CDYL2: variants seen among roughly 807,000 people sequenced by gnomAD.
The protein encoded by CDYL2 is chromodomain Y-like protein 2.
In CDYL2, 23 loss-of-function variants were observed where a neutral mutation model predicts 49.4. The observed-to-expected ratio is 0.47, with a 90% CI of 0.34 to 0.66. CDYL2 has a LOEUF of 0.66. Among genes scored for constraint, CDYL2 ranks in the 30% least tolerant of loss-of-function variants. The pLI is 0.01. For missense variants in CDYL2, 678 were observed against 656.4 expected (o/e 1.03, Z -0.36); for synonymous variants, 360 against 268.8 (o/e 1.34, Z -3.32).
At chr16:80,773,931 A>C (rs989163142) in intron 1 of CDYL2, among the ~76,000 whole-genome samples, 2 of 152,156 alleles carry the variant, frequency 1.3e-5, no homozygotes, top group Non-Finnish European at 2.9e-5. Context: ...GCCTCAGTTT[A>C]GTTCTACAAA....
At chr16:80,684,147 C>G (rs1489013169) in intron 2 of CDYL2, among the ~76,000 whole-genome samples, 2 of 152,314 alleles carry the variant, frequency 1.3e-5, no homozygotes, top group East Asian at 3.9e-4. Flanking sequence ...CAAGCAAGGG[C>G]TCTGCACTGT....
At chr16:80,647,296 C>T (rs939433930) in intron 2 of CDYL2, among the ~76,000 whole-genome samples, 1 of 152,082 alleles carries the variant, frequency 6.6e-6, no homozygotes, top group Non-Finnish European at 1.5e-5. Flanking sequence ...AAGTAATCTA[C>T]AGATTCAATG....
intron 2 of CDYL2, among the ~76,000 whole-genome samples, chr16:80,654,535 C>G (rs1439425240): frequency 6.6e-6 from 1 of 152,198 alleles, no homozygotes; most frequent in Non-Finnish European, 1.5e-5. Context: ...TGCATAACAC[C>G]CGTGGCACCT....
chr16:80,765,396 T>C (rs925889865), intron 1 of CDYL2, among the ~76,000 whole-genome samples: 4 of 151,658 alleles, frequency 2.6e-5, no homozygotes, highest in African/African-American at 9.7e-5. Context: ...AAGTTACATA[T>C]TTTCAGCAGA....
At chr16:80,798,925 G>C (rs116911963) in intron 1 of CDYL2, among the ~76,000 whole-genome samples, 3,449 of 151,942 alleles carry the variant, frequency 0.023, 69 homozygotes, top group Non-Finnish European at 0.032. Context: ...AGAAAACATG[G>C]TACATTCAAG....
intron 1 of CDYL2, among the ~76,000 whole-genome samples, chr16:80,798,098 T>C (rs1022225548): frequency 3.3e-5 from 5 of 152,294 alleles, no homozygotes; most frequent in Non-Finnish European, 5.9e-5. Context: ...TGGAGTGCAG[T>C]GGTGTGATCT....
At chr16:80,691,032 G>C (rs1910394344) in intron 1 of CDYL2, among the ~76,000 whole-genome samples, 1 of 151,948 alleles carries the variant, frequency 6.6e-6, no homozygotes, top group Admixed American at 6.6e-5. Flanking sequence ...TACATGTCTT[G>C]GTCTCTGGGA....
rs780474119 is a variant in CDYL2, at chr16:80,632,998, C to T, written c.834+21G>A. On this transcript the variant is annotated intron_variant, in intron 3 of 6. Coordinates refer to ENST00000570137, the MANE Select transcript of CDYL2 (RefSeq NM_152342.4). Reference sequence around the variant, plus strand: ...GGAGCCACAGCCCAGCTTGCCCTTCCCTCTGGCCGCCACCCCTTACCTCAG... The same window carrying T: ...GGAGCCACAGCCCAGCTTGCCCTTCTCTCTGGCCGCCACCCCTTACCTCAG... 1.4e-5 allele frequency: 23 copies of T among 1,608,026 alleles called. No homozygotes were observed. In the Middle Eastern group the frequency reaches 5.1e-4, roughly 36 times the overall value.
chr16:80,765,057 CA>C (rs933163217), intron 1 of CDYL2, among the ~76,000 whole-genome samples: 876 of 47,802 alleles, frequency 0.018, 15 homozygotes, highest in African/African-American at 0.055. Context: ...GATTCCGTCT[CA>C]AAAAAAAAAA....
chr16:80,631,647 G>C (rs1267966228), intron 3 of CDYL2, among the ~76,000 whole-genome samples: 3 of 152,142 alleles, frequency 2.0e-5, no homozygotes, highest in Admixed American at 1.3e-4. Flanking sequence ...TTCAAGTCAA[G>C]TATCTGATAA....
At chr16:80,700,178 G>T (rs1234573946) in intron 1 of CDYL2, among the ~76,000 whole-genome samples, 3 of 152,188 alleles carry the variant, frequency 2.0e-5, no homozygotes, top group Non-Finnish European at 2.9e-5. Flanking sequence ...TTTAAAAAGA[G>T]CAAAGTTGGA....
chr16:80,791,742 T>A (rs1371426539), intron 1 of CDYL2, among the ~76,000 whole-genome samples: 1 of 152,170 alleles, frequency 6.6e-6, no homozygotes, highest in Non-Finnish European at 1.5e-5. Flanking sequence ...GAATACATGC[T>A]GTAACCAGAG....
chr16:80,743,160 A>G (rs995983267), intron 1 of CDYL2, among the ~76,000 whole-genome samples: 1 of 152,176 alleles, frequency 6.6e-6, no homozygotes, highest in Non-Finnish European at 1.5e-5. Flanking sequence ...TTGAACATCA[A>G]CTTCATGGTA....
At chr16:80,668,275 T>C (rs76609582) in intron 2 of CDYL2, among the ~76,000 whole-genome samples, 4,009 of 152,276 alleles carry the variant, frequency 0.026, 212 homozygotes, top group African/African-American at 0.091. Flanking sequence ...CCACCTTCAA[T>C]CTTTACTCGG....
intron 2 of CDYL2, chr16:80,670,956 C>T (rs1012697650): frequency 2.2e-6 from 1 of 455,904 alleles, no homozygotes; most frequent in Non-Finnish European, 4.4e-6. Context: ...CCTGGAATAA[C>T]ATGAATATCT....
chr16:80,798,815 G>A (rs1210650314), intron 1 of CDYL2, among the ~76,000 whole-genome samples: 1 of 151,586 alleles, frequency 6.6e-6, no homozygotes, highest in African/African-American at 2.4e-5. Flanking sequence ...AGTAAGATAT[G>A]CAAATACATA....
At chr16:80,642,424 C>T (rs1172095306) in intron 2 of CDYL2, among the ~76,000 whole-genome samples, 14 of 152,076 alleles carry the variant, frequency 9.2e-5, no homozygotes, top group Admixed American at 2.6e-4. Context: ...CCTGGGTTAA[C>T]GGAGCGAGAC....
At chr16:80,802,536 A>C (rs1156634957) in intron 1 of CDYL2, among the ~76,000 whole-genome samples, 1 of 152,332 alleles carries the variant, frequency 6.6e-6, no homozygotes, top group African/African-American at 2.4e-5. Flanking sequence ...GTTCTTCACA[A>C]GATCTCTATC....
intron 1 of CDYL2, among the ~76,000 whole-genome samples, chr16:80,754,582 C>G (rs562713449): frequency 2.6e-5 from 4 of 152,186 alleles, no homozygotes; most frequent in Non-Finnish European, 5.9e-5. Context: ...CGTCCACCCT[C>G]CTGGCTCCAC....
Sources: gnomAD v4.1 joint callset for allele counts (sites outside exome capture counted in the v4.1 genomes callset) on GRCh38, gnomAD v4.1.1 for gene constraint, MANE v1.5 for transcripts, NCBI Gene and HGNC (gene_info 2026-07-23, HGNC 2026-07-21) for gene names.